The following BCOR variants were observed in gnomAD, a reference collection of about 807,000 sequenced individuals.
BCOR encodes the protein BCL-6 corepressor.
Under a neutral mutation model 86.7 loss-of-function variants are expected in BCOR, and 10 were observed. That is an observed-to-expected ratio of 0.12 (90% confidence interval 0.07 to 0.20). The LOEUF is 0.20. BCOR is among the 10% of genes least tolerant of loss of function. BCOR has a pLI of 1.00. For missense variants in BCOR, 1,259 were observed against 1,452.1 expected (o/e 0.87, Z 2.16); for synonymous variants, 611 against 609.0 (o/e 1.00, Z -0.05).
At chrX:40,154,833 G>A (rs1157872066) in intron 1 of BCOR, among the ~76,000 whole-genome samples, 1 of 112,597 alleles carries the variant, frequency 8.9e-6, no homozygotes, top group Non-Finnish European at 1.9e-5. Context: ...TACCCATTAG[G>A]GAAAGTCGGC....
rs137923016 is a variant in BCOR at position 40,064,460 on chromosome X, G to A, written c.3378C>T (p.His1126=). 4.0e-4 allele frequency: 486 copies of A among 1,211,291 alleles called. No homozygotes were observed. The highest frequency in any genetic ancestry group is 5.3e-4 in the Non-Finnish European group (473 of 895,463). Residue 1126 remains histidine, a synonymous_variant, in exon 7 of 15, where the codon CAC becomes CAT. Transcript: ENST00000378444. ...PADQVASDMP[H]SPTLRVDRKR... Reference sequence around the variant, plus strand: ...TCCTGTCCACCCGGAGGGTGGGGCTGTGAGGCATGTCCGAGGCCACCTGGT... The same window carrying A: ...TCCTGTCCACCCGGAGGGTGGGGCTATGAGGCATGTCCGAGGCCACCTGGT...
intron 1 of BCOR, among the ~76,000 whole-genome samples, chrX:40,135,866 C>T (rs188094713): frequency 8.9e-6 from 1 of 112,044 alleles, no homozygotes; most frequent in East Asian, 2.8e-4. Flanking sequence ...AAGGTTTCAA[C>T]AAGGGTCGTT....
In BCOR at chrX:40,076,548, C is replaced by A. The variant is rs376097992; in HGVS notation, c.87-16G>T. Reference sequence around the variant, plus strand: ...AAGGATTTTCCTATTTAAAAAGATACACCAACTTCATGAAAGCATTCCTCA... The same window carrying A: ...AAGGATTTTCCTATTTAAAAAGATAAACCAACTTCATGAAAGCATTCCTCA... On this transcript the variant is annotated splice_polypyrimidine_tract_variant and intron_variant, in intron 2 of 14. Coordinates refer to ENST00000378444, the MANE Select transcript of BCOR (RefSeq NM_001123385.2). 2.6e-6 allele frequency: 3 copies of A among 1,134,383 alleles called. No homozygotes were observed. The South Asian group carries it at 5.5e-5, about 21-fold the overall frequency. 93.5% of individuals were successfully genotyped at this position (1,134,383 alleles called of 1,213,427 possible).
At chrX:40,084,918 A>C (rs1936288253) in intron 1 of BCOR, among the ~76,000 whole-genome samples, 1 of 112,001 alleles carries the variant, frequency 8.9e-6, no homozygotes, top group Non-Finnish European at 1.9e-5. Context: ...AGAGAAGGAG[A>C]GGGGCACCCA....
chrX:40,061,482 T>TA (rs752531444), intron 10 of BCOR, among the ~76,000 whole-genome samples: 1 of 111,605 alleles, frequency 9.0e-6, no homozygotes, highest in Non-Finnish European at 1.9e-5. Context: ...TGAAATGAGT[T>TA]ACTTTGGATC....
At chrX:40,151,632 C>A (rs933857836) in intron 1 of BCOR, among the ~76,000 whole-genome samples, 2 of 113,098 alleles carry the variant, frequency 1.8e-5, no homozygotes, top group Non-Finnish European at 3.8e-5. Flanking sequence ...ACCAAGTTGC[C>A]GGCAGAGGTA....
upstream of BCOR, among the ~76,000 whole-genome samples, chrX:40,102,265 A>G (rs1937086421): frequency 8.9e-6 from 1 of 112,952 alleles, no homozygotes; most frequent in Non-Finnish European, 1.9e-5. Context: ...CCTAGCAACC[A>G]TCTTGGAATT....
At chrX:40,068,233 C>T (rs1935296272) in intron 6 of BCOR, 1 of 112,199 alleles carries the variant, frequency 8.9e-6, no homozygotes, top group African/African-American at 3.2e-5. Context: ...TAACCACGCC[C>T]AGTAAGCCCT....
chrX:40,138,608 G>A (rs1388763897), intron 1 of BCOR, among the ~76,000 whole-genome samples: 1 of 110,999 alleles, frequency 9.0e-6, no homozygotes, highest in African/African-American at 3.3e-5. Context: ...AGGCAGGAGT[G>A]TAGTGGCACG....
At chrX:40,170,355 GT>G (rs757220964) in intron 1 of BCOR, among the ~76,000 whole-genome samples, 33 of 101,371 alleles carry the variant, frequency 3.3e-4, no homozygotes, top group South Asian at 4.3e-4. Flanking sequence ...TTTGGTTTTG[GT>G]TTTTTTTTTT....
At chrX:40,123,543 C>T (rs963802798) in intron 1 of BCOR, among the ~76,000 whole-genome samples, 1 of 110,506 alleles carries the variant, frequency 9.0e-6, no homozygotes, top group Non-Finnish European at 1.9e-5. Context: ...TTAGTAGAGA[C>T]GGGGTTTCAC....
chrX:40,161,917 G>T (rs145475933), intron 1 of BCOR, among the ~76,000 whole-genome samples: 288 of 111,737 alleles, frequency 2.6e-3, no homozygotes, highest in African/African-American at 8.9e-3. Context: ...AACTCCCTCT[G>T]CCCAAGAAAC....
Position 40,051,944 on chromosome X carries a change from A to G in BCOR, c.*165T>C. ...AAACTGACTTAAAAGTTTAAAAGGA[A>G]AAAAACATGTTTCTAAGTCCTTCTG... is the stretch of plus-strand genomic sequence containing the variant. On this transcript the variant is annotated 3_prime_UTR_variant, in exon 15 of 15. Transcript: ENST00000378444. The G allele has an allele frequency of 2.3e-6, 1 of 437,662 alleles. No individual in the cohort carries two copies. Among genetic ancestry groups the G allele is most frequent in the East Asian group, 4.2e-5 (1 of 23,626 alleles). 36.1% of individuals were successfully genotyped at this position (437,662 alleles called of 1,213,427 possible). A position where few individuals can be genotyped will look rare whatever the true frequency, so the allele number is the denominator to read the frequency against.
chrX:40,169,763 G>A (rs1420627270), intron 1 of BCOR, among the ~76,000 whole-genome samples: 2 of 111,515 alleles, frequency 1.8e-5, no homozygotes, highest in African/African-American at 3.3e-5. Context: ...AATGAATCAC[G>A]AGGGGGAAGA....
chrX:40,154,754 G>C (rs1429582661), intron 1 of BCOR, among the ~76,000 whole-genome samples: 1 of 112,490 alleles, frequency 8.9e-6, no homozygotes, highest in Non-Finnish European at 1.9e-5. Context: ...CGGCAGAAGA[G>C]CCAAGGGTCC....
At chrX:40,071,573 G>A in intron 5 of BCOR, 64 bp downstream of exon 5, 1 of 838,642 alleles carries the variant, frequency 1.2e-6, no homozygotes. Context: ...TTGTATATTT[G>A]GAAATGAAAT....
intron 1 of BCOR, among the ~76,000 whole-genome samples, chrX:40,142,120 C>T (rs189542711): frequency 4.4e-5 from 5 of 112,567 alleles, no homozygotes; most frequent in Non-Finnish European, 7.5e-5. Flanking sequence ...GCTTTGCACA[C>T]AGCAAGTGCT....
intron 10 of BCOR, among the ~76,000 whole-genome samples, chrX:40,060,063 AAAGAGGGGTTTTGGGAAACCTCTCCC>A (rs1934795824): frequency 1.8e-5 from 2 of 112,097 alleles, no homozygotes; most frequent in Non-Finnish European, 3.8e-5. Context: ...AGACAATGAT[AAAGAGGGGTTTTGGGAAACCTCTCCC>A]AAAGCTGTGC....
At chrX:40,148,687 C>A (rs747500004) in intron 1 of BCOR, among the ~76,000 whole-genome samples, 2 of 111,169 alleles carry the variant, frequency 1.8e-5, no homozygotes, top group African/African-American at 3.3e-5. Flanking sequence ...TTTACAAAAG[C>A]CTTTTCCCCG....
Sources: allele counts gnomAD v4.1 joint callset (sites outside exome capture counted in the v4.1 genomes callset), GRCh38; gene constraint gnomAD v4.1.1; transcripts MANE v1.5; gene names NCBI Gene and HGNC (gene_info 2026-07-23, HGNC 2026-07-21).